PTPRN2: variants seen among roughly 807,000 people sequenced by gnomAD.
PTPRN2 encodes the protein protein tyrosine phosphatase receptor type N2.
A neutral mutation model predicts 118.8 loss-of-function variants in PTPRN2; 74 were observed. That is an observed-to-expected ratio of 0.62 (90% confidence interval 0.52 to 0.76). The LOEUF is 0.76. Among genes scored for constraint, PTPRN2 ranks in the 30% least tolerant of loss-of-function variants. The pLI is 0.00. For missense variants in PTPRN2, 1,481 were observed against 1,394.4 expected (o/e 1.06, Z -0.99); for synonymous variants, 641 against 608.0 (o/e 1.05, Z -0.80).
chr7:158,504,903 A>G lies in PTPRN2; in HGVS notation c.113-15118T>C, dbSNP rs554962355. On this transcript the variant is annotated intron_variant, in intron 1 of 22. Transcript: ENST00000389418. The stretch of plus-strand genomic sequence containing the variant: ...TTTTTTCCTCTTAGGATACATTCCC[A>G]TAAAAAGAATTCTAGATATTTTAAA... Among the ~76,000 whole-genome samples the G allele has an allele frequency of 5.9e-5, 9 of 152,350 alleles. 2 individuals carry two copies. The highest frequency in any genetic ancestry group is 2.2e-4 in the African/African-American group (9 of 41,588).
intron 12 of PTPRN2, among the ~76,000 whole-genome samples, chr7:157,806,388 A>G (rs2151106642): frequency 6.6e-6 from 1 of 152,352 alleles, no homozygotes; most frequent in Admixed American, 6.5e-5. Context: ...ATGCATGTGT[A>G]CAAAAATATG....
At chr7:157,642,814 CA>C (rs11335302) in intron 14 of PTPRN2, among the ~76,000 whole-genome samples, 1,325 of 24,090 alleles carry the variant, frequency 0.055, 35 homozygotes, top group Middle Eastern at 0.1. Context: ...CAAGAAACAG[CA>C]AAAAAAAAAA....
intron 11 of PTPRN2, among the ~76,000 whole-genome samples, chr7:157,914,900 A>G (rs897366715): frequency 1.7e-4 from 26 of 152,064 alleles, no homozygotes; most frequent in Non-Finnish European, 3.7e-4. Flanking sequence ...TCTATACTTT[A>G]CTTCTCTAAT....
At chr7:158,261,548 G>GT (rs1405931279) in intron 3 of PTPRN2, among the ~76,000 whole-genome samples, 1 of 152,180 alleles carries the variant, frequency 6.6e-6, no homozygotes, top group Non-Finnish European at 1.5e-5. Flanking sequence ...TCCCCTGCCA[G>GT]TTAGAGACAG....
chr7:158,053,602 T>G (rs1468841179), intron 11 of PTPRN2, among the ~76,000 whole-genome samples: 3 of 152,070 alleles, frequency 2.0e-5, no homozygotes, highest in African/African-American at 7.2e-5. Flanking sequence ...GTTCAATAGG[T>G]TTAATGTGGT....
intron 2 of PTPRN2, among the ~76,000 whole-genome samples, chr7:158,472,010 T>TCGCCACGGTTCCTGCCC (rs1563333572): frequency 2.0e-5 from 3 of 151,576 alleles, no homozygotes; most frequent in Admixed American, 6.6e-5. Context: ...GGTTCCGGCC[T>TCGCCACGGTTCCTGCCC]CGCCACGGTT....
At position 157,591,972 on chromosome 7, in the gene PTPRN2, C is replaced by T. The variant is rs1801007265; in HGVS notation, c.2496+3266G>A. Reference sequence around the variant, plus strand: ...TCTGCTCGGCTGGCATGCTCGAGAACATCCTGGGAGGGCTGAGGCTACTGG... The same window carrying T: ...TCTGCTCGGCTGGCATGCTCGAGAATATCCTGGGAGGGCTGAGGCTACTGG... On this transcript the variant is annotated intron_variant, in intron 17 of 22. Coordinates refer to ENST00000389418, the MANE Select transcript of PTPRN2 (RefSeq NM_002847.5). The surrounding 1 kb of genome is among the most constrained non-coding windows in gnomAD (Gnocchi z 4.4). 6.6e-6 allele frequency among the ~76,000 whole-genome samples: 1 copy of T among 152,202 alleles called. No homozygotes were observed. Among genetic ancestry groups the T allele is most frequent in the Non-Finnish European group, 1.5e-5 (1 of 68,034 alleles).
intron 2 of PTPRN2, among the ~76,000 whole-genome samples, chr7:158,351,118 T>C (rs1201495876): frequency 6.6e-6 from 1 of 152,138 alleles, no homozygotes; most frequent in Non-Finnish European, 1.5e-5. Context: ...CATCAAACTG[T>C]TATGCGGGAG....
intron 12 of PTPRN2, among the ~76,000 whole-genome samples, chr7:157,752,153 C>A (rs1801508859): frequency 6.6e-6 from 1 of 152,250 alleles, no homozygotes; most frequent in Non-Finnish European, 1.5e-5. Context: ...CACCTGCCTG[C>A]TGTGTCTGCA....
chr7:158,524,391 A>T (rs867611854), intron 1 of PTPRN2, among the ~76,000 whole-genome samples: 45 of 103,764 alleles, frequency 4.3e-4, no homozygotes, highest in Non-Finnish European at 6.3e-4. Flanking sequence ...TCTGCCCTGG[A>T]GTGGAGTCGT....
At chr7:158,210,131 C>CTT (rs869191127) in intron 3 of PTPRN2, among the ~76,000 whole-genome samples, 23,444 of 108,496 alleles carry the variant, frequency 0.22, 3,518 homozygotes, top group African/African-American at 0.39. Context: ...AATGATGCAT[C>CTT]TTTTTTTTTT....
At chr7:158,001,942 C>T (rs1204104816) in intron 11 of PTPRN2, among the ~76,000 whole-genome samples, 3 of 152,322 alleles carry the variant, frequency 2.0e-5, no homozygotes, top group African/African-American at 2.4e-5. Flanking sequence ...CTCCTCCAGC[C>T]GGAAGCTGGC....
intron 4 of PTPRN2, among the ~76,000 whole-genome samples, 171 bp from the exon 5 acceptor site, chr7:158,192,666 G>A (rs915577705): frequency 6.6e-6 from 1 of 152,188 alleles, no homozygotes; most frequent in Non-Finnish European, 1.5e-5. Flanking sequence ...GGGCCCCCGA[G>A]CCTGTGTCCT....
At chr7:158,200,135 G>A (rs1041119221) in intron 4 of PTPRN2, among the ~76,000 whole-genome samples, 3 of 152,094 alleles carry the variant, frequency 2.0e-5, no homozygotes, top group Admixed American at 6.5e-5. Context: ...CTCGCCCTCC[G>A]ACCTGACCCA....
chr7:158,442,466 C>T lies in PTPRN2; in HGVS notation c.163+47269G>A, dbSNP rs189028059. Among the ~76,000 whole-genome samples, 546 of 152,246 alleles carry T rather than the reference C, an allele frequency of 3.6e-3. 3 individuals are homozygous for T. The highest frequency in any genetic ancestry group is 0.013 in the African/African-American group (521 of 41,524). On this transcript the variant is annotated intron_variant, in intron 2 of 22. Coordinates refer to ENST00000389418, the MANE Select transcript of PTPRN2 (RefSeq NM_002847.5). Reference sequence around the variant, plus strand: ...AGAGGGTTGGTTCACTAGATAATGGCACCTGCATGCCATGGATGCTACGTA... The same window carrying T: ...AGAGGGTTGGTTCACTAGATAATGGTACCTGCATGCCATGGATGCTACGTA...
intron 3 of PTPRN2, among the ~76,000 whole-genome samples, chr7:158,244,594 T>G (rs1054810343): frequency 6.6e-6 from 1 of 152,112 alleles, no homozygotes; most frequent in Admixed American, 6.5e-5. Context: ...GTGAGTTTTG[T>G]CTGAGTTGTG....
chr7:158,481,781 C>A (rs376449426), intron 2 of PTPRN2, among the ~76,000 whole-genome samples: 1 of 152,198 alleles, frequency 6.6e-6, no homozygotes, highest in Non-Finnish European at 1.5e-5. Context: ...ATTTTAGAAA[C>A]ACACTTTGTA....
Position 157,910,737 on chromosome 7 carries a change from C to T in PTPRN2, c.1724-12000G>A, listed in dbSNP as rs960990350. On this transcript the variant is annotated intron_variant, in intron 11 of 22. Transcript: ENST00000389418. ...GTGTGTGTGTGTGCGAGCGCGCGTG[C>T]GCCCCTGCGATCAGCCCAGCAGACA... Among the ~76,000 whole-genome samples, 4 of 152,272 alleles carry T rather than the reference C, an allele frequency of 2.6e-5. No homozygotes were observed. The East Asian group carries it at 7.7e-4, about 29-fold the overall frequency.
chr7:158,378,445 C>A (rs1040325529), intron 2 of PTPRN2, among the ~76,000 whole-genome samples: 1 of 152,168 alleles, frequency 6.6e-6, no homozygotes, highest in Non-Finnish European at 1.5e-5. Context: ...AACCGCAGGT[C>A]CCAGTGACTC....
Sources: allele counts gnomAD v4.1 joint callset (sites outside exome capture counted in the v4.1 genomes callset), GRCh38; gene constraint gnomAD v4.1.1; non-coding constraint Gnocchi (gnomAD v3.1); transcripts MANE v1.5; gene names NCBI Gene and HGNC (gene_info 2026-07-23, HGNC 2026-07-21).